MAFG: variants seen among roughly 807,000 people sequenced by gnomAD.
MAFG encodes transcription factor MafG.
A neutral mutation model predicts 12.2 loss-of-function variants in MAFG; 3 were observed. The ratio of observed to expected loss-of-function variants is 0.25; its 90% CI spans 0.11 to 0.64. The LOEUF is 0.64. MAFG is among the 30% of genes least tolerant of loss of function. MAFG has a pLI of 0.85. For missense variants in MAFG, 153 were observed against 235.5 expected (o/e 0.65, Z 2.29); for synonymous variants, 126 against 109.1 (o/e 1.15, Z -0.96).
rs2040905290 is a variant in MAFG, at chr17:81,922,800, G to A, written c.294C>T (p.Ala98=). 6.2e-7 allele frequency: 1 copy of A among 1,604,956 alleles called. No individual in the cohort carries two copies. Among genetic ancestry groups the A allele is most frequent in the Non-Finnish European group, 8.5e-7 (1 of 1,176,022 alleles). ...QEVEKLASEN[A]SMKLELDALR... ...GCGCGTCGAGCTCCAGCTTCATGCT[G>A]GCGTTCTCTGAGGCCAGCTTCTCCA... Residue 98 remains alanine (A), a synonymous_variant, in exon 3 of 3, where the codon GCC becomes GCT. Transcript: ENST00000357736.
At position 81,919,794 on chromosome 17, in the gene MAFG, G is replaced by A. The variant is rs773807938; in HGVS notation, c.*2811C>T. On this transcript the variant is annotated 3_prime_UTR_variant, in exon 3 of 3. Transcript: ENST00000357736. ...CCAGGGGAAGGGGAAGAGGGGTGGA[G>A]TGGCTCCGCAGGGCTGACCTGACAG... 1 of 152,508 alleles carries A rather than the reference G, an allele frequency of 6.6e-6. No individual in the cohort carries two copies. Among genetic ancestry groups the A allele is most frequent in the Middle Eastern group, 3.3e-3 (1 of 300 alleles). 9.4% of individuals were successfully genotyped at this position (152,508 alleles called of 1,614,324 possible).
Position 81,923,050 on chromosome 17 carries a change from C to T in MAFG, c.44G>A (p.Arg15Gln). 1.2e-6 allele frequency: 2 copies of T among 1,601,896 alleles called. No homozygotes were observed. Among genetic ancestry groups the T allele is most frequent in the Non-Finnish European group, 1.7e-6 (2 of 1,174,080 alleles). Reference protein sequence around the residue: ...NKGNKALKVKREPGENGTSLT... With the variant: ...NKGNKALKVKQEPGENGTSLT... ...GCTGGTGCCATTCTCACCCGGCTCC[C>T]GCTTCACCTGGGGCACAGTGCAGGT... The change falls in exon 3 of 3, where the codon CGG (arginine) becomes CAG (glutamine). Residue 15 changes from arginine (R) to glutamine (Q), a missense_variant. Around this residue, in one of 3 missense-constraint regions of MAFG, gnomAD observed 43 missense variants for 65.6 expected, o/e 0.66. Transcript: ENST00000357736.
In MAFG at chr17:81,921,504, G is replaced by C. The variant is rs1477783852; in HGVS notation, c.*1101C>G. 6.6e-6 allele frequency: 1 copy of C among 151,962 alleles called. No homozygotes were observed. 9.4% of individuals were successfully genotyped at this position (151,962 alleles called of 1,614,324 possible). A position where few individuals can be genotyped will look rare whatever the true frequency, so the allele number is the denominator to read the frequency against. Reference sequence around the variant, plus strand: ...AGGGCAGAGGAGTAAGTCACTTTCGGTACAATTGCAAAAGATATCAAAGAG... The same window carrying C: ...AGGGCAGAGGAGTAAGTCACTTTCGCTACAATTGCAAAAGATATCAAAGAG... On this transcript the variant is annotated 3_prime_UTR_variant, in exon 3 of 3. Transcript: ENST00000357736.
rs993018672 is a variant in MAFG, at chr17:81,924,007, C to A, written c.-29-793G>T. On this transcript the variant is annotated intron_variant, in intron 1 of 2. Coordinates refer to ENST00000357736, the MANE Select transcript of MAFG (RefSeq NM_002359.4). The surrounding 1 kb of genome is among the most constrained non-coding windows in gnomAD (Gnocchi z 4.7). ...GCCATCAGCTGGGAGGAGCCTGGCC[C>A]GAGGCCCCTCTAGACCTCCCAGTCG... is the stretch of plus-strand genomic sequence containing the variant. 1 of 152,364 alleles carries A rather than the reference C, an allele frequency of 6.6e-6. No homozygotes were observed. Among genetic ancestry groups the A allele is most frequent in the African/African-American group, 2.4e-5 (1 of 41,460 alleles). The allele number at this position is 152,364 out of a possible 1,614,324, so 9.4% of individuals were successfully genotyped here. A position where few individuals can be genotyped will look rare whatever the true frequency, so the allele number is the denominator to read the frequency against.
Position 81,922,599 on chromosome 17 carries a change from G to A in MAFG, c.*6C>T, listed in dbSNP as rs150965924. 1.6e-3 allele frequency: 2,318 copies of A among 1,458,998 alleles called. 5 individuals carry two copies. Among genetic ancestry groups the A allele is most frequent in the Non-Finnish European group, 2.0e-3 (2,195 of 1,107,964 alleles). The allele number at this position is 1,458,998 out of a possible 1,614,324, so 90.4% of individuals were successfully genotyped here. A position where few individuals can be genotyped will look rare whatever the true frequency, so the allele number is the denominator to read the frequency against. ...CGCAAAGACCCGCCTGGGCAGACGC[G>A]CGTCCCTACGATCGGGCATCCGTCT... On this transcript the variant is annotated 3_prime_UTR_variant, in exon 3 of 3. Coordinates refer to ENST00000357736, the MANE Select transcript of MAFG (RefSeq NM_002359.4).
In MAFG at chr17:81,926,784, AC is replaced by A. The variant is rs368593853; in HGVS notation, c.-30+743del. Among the ~76,000 whole-genome samples the A allele has an allele frequency of 3.8e-4, 57 of 151,784 alleles. No homozygotes were observed. Among genetic ancestry groups the A allele is most frequent in the African/African-American group, 1.3e-3 (55 of 41,360 alleles). ...AGCCACCCCCACTTCCTCTTCAAGC[AC>A]CCCTGCCTTCAACTGGATCGCTCGG... On this transcript the variant is annotated intron_variant, in intron 1 of 2. Coordinates refer to ENST00000357736, the MANE Select transcript of MAFG (RefSeq NM_002359.4). This position sits in a 1 kb window ranked among gnomAD's most constrained non-coding sequence, Gnocchi z 4.6.
chr17:81,925,807 C>CAAAA (rs753192299), intron 1 of MAFG, among the ~76,000 whole-genome samples: 31 of 47,268 alleles, frequency 6.6e-4, no homozygotes, highest in Admixed American at 2.4e-3. Flanking sequence ...GACTCCGTCT[C>CAAAA]AAAAAAAAAA....
chr17:81,925,815 A>G (rs2040934965), intron 1 of MAFG, among the ~76,000 whole-genome samples: 2 of 151,810 alleles, frequency 1.3e-5, no homozygotes, highest in Non-Finnish European at 2.9e-5. Context: ...CTCAAAAAAA[A>G]AAAAAAAAAA....
intron 1 of MAFG, among the ~76,000 whole-genome samples, chr17:81,925,021 C>T (rs1262428904): frequency 2.0e-5 from 3 of 152,200 alleles, no homozygotes; most frequent in Non-Finnish European, 2.9e-5. Context: ...AAAGGTGCGC[C>T]GGGGGGTGGG....
Position 81,923,233 on chromosome 17 carries a change from G to A in MAFG, c.-29-19C>T, listed in dbSNP as rs755252620. ...GCGCTCTCTGCAAGACACGGAGCAG[G>A]TCAGTACCCTGGAGACCACCCTCGC... On this transcript the variant is annotated intron_variant, in intron 1 of 2. Coordinates refer to ENST00000357736, the MANE Select transcript of MAFG (RefSeq NM_002359.4). The A allele has an allele frequency of 6.4e-6, 9 of 1,408,040 alleles. No homozygotes were observed. Among genetic ancestry groups the A allele is most frequent in the Non-Finnish European group, 8.6e-6 (9 of 1,049,450 alleles). The allele number at this position is 1,408,040 out of a possible 1,614,324, so 87.2% of individuals were successfully genotyped here.
chr17:81,925,722 G>A (rs2040933808), intron 1 of MAFG, among the ~76,000 whole-genome samples: 1 of 151,422 alleles, frequency 6.6e-6, no homozygotes, highest in South Asian at 2.1e-4. Context: ...GCAGGAGAAC[G>A]GCGTGAACCT....
intron 1 of MAFG, among the ~76,000 whole-genome samples, chr17:81,925,996 CTGTGTGTGTGTG>C (rs532478689): frequency 2.2e-5 from 2 of 89,028 alleles, no homozygotes; most frequent in African/African-American, 4.7e-5. Flanking sequence ...GAGAATGGAC[CTGTGTGTGTGTG>C]TGTGTGTGTG....
chr17:81,922,047 ACGCCCCCAGCACCACTGCG>A lies in MAFG; in HGVS notation c.*539_*557del, dbSNP rs2143812788. 1 of 152,144 alleles carries A rather than the reference ACGCCCCCAGCACCACTGCG, an allele frequency of 6.6e-6. No individual in the cohort carries two copies. The highest frequency in any genetic ancestry group is 2.4e-5 in the African/African-American group (1 of 41,424). The allele number at this position is 152,144 out of a possible 1,614,324, so 9.4% of individuals were successfully genotyped here. ...GTGCACAGCCCCTGGGCCCAGCTGC[ACGCCCCCAGCACCACTGCG>A]CCCAGGCTGGTGGTCCACCCATCAG... On this transcript the variant is annotated 3_prime_UTR_variant, in exon 3 of 3. Transcript: ENST00000357736.
rs2040888637 is a variant in MAFG at position 81,921,480 on chromosome 17, G to T, written c.*1125C>A. ...CACCGGCAAGAGACGGAAGCAGGAA[G>T]GGCAGAGGAGTAAGTCACTTTCGGT... is the stretch of plus-strand genomic sequence containing the variant. On this transcript the variant is annotated 3_prime_UTR_variant, in exon 3 of 3. Transcript: ENST00000357736. 6.6e-6 allele frequency: 1 copy of T among 152,254 alleles called. No homozygotes were observed. Among genetic ancestry groups the T allele is most frequent in the East Asian group, 1.9e-4 (1 of 5,200 alleles). 9.4% of individuals were successfully genotyped at this position (152,254 alleles called of 1,614,324 possible).
chr17:81,925,533 G>T (rs964754271), intron 1 of MAFG, among the ~76,000 whole-genome samples: 2 of 152,200 alleles, frequency 1.3e-5, no homozygotes, highest in South Asian at 4.1e-4. Context: ...TAAATGGGCC[G>T]CGCGGTGGCT....
At position 81,923,262 on chromosome 17, in the gene MAFG, ACCCCCCCCC is replaced by A. The variant is rs1002296043; in HGVS notation, c.-29-57_-29-49del. ...GTACCCTGGAGACCACCCTCGCCGC[ACCCCCCCCC>A]CCCCGCCCCCGGCCCAGTTCACAAG... On this transcript the variant is annotated intron_variant, in intron 1 of 2. Coordinates refer to ENST00000357736, the MANE Select transcript of MAFG (RefSeq NM_002359.4). The A allele has an allele frequency of 1.7e-4, 60 of 362,742 alleles. 3 individuals carry two copies. In the Admixed American group the frequency reaches 5.5e-3, roughly 33 times the overall value. The allele number at this position is 362,742 out of a possible 1,614,324, so 22.5% of individuals were successfully genotyped here.
chr17:81,924,755 T>C lies in MAFG; in HGVS notation c.-29-1541A>G, dbSNP rs2040925929. Among the ~76,000 whole-genome samples the C allele has an allele frequency of 6.6e-6, 1 of 152,132 alleles. No homozygotes were observed. Among genetic ancestry groups the C allele is most frequent in the East Asian group, 1.9e-4 (1 of 5,196 alleles). ...GCCCACAGGAGCCCTTTCCTACACG[T>C]CCGGCACAACACTGCCCCAGGAGAC... On this transcript the variant is annotated intron_variant, in intron 1 of 2. Coordinates refer to ENST00000357736, the MANE Select transcript of MAFG (RefSeq NM_002359.4). The surrounding 1 kb of genome is among the most constrained non-coding windows in gnomAD (Gnocchi z 4.7).
At chr17:81,930,833 A>G (rs1312866017), upstream of MAFG, 3 of 152,226 alleles carry the variant, frequency 2.0e-5, no homozygotes, top group Non-Finnish European at 4.4e-5. The surrounding 1 kb of genome is among the most constrained non-coding windows in gnomAD (Gnocchi z 4.1). Context: ...AGGAGCAGGG[A>G]AAGCACCATC....
Position 81,922,416 on chromosome 17 carries a change from C to T in MAFG, c.*189G>A, listed in dbSNP as rs143439686. The T allele has an allele frequency of 4.6e-3, 2,189 of 474,442 alleles. 65 individuals carry two copies. In the Admixed American group the frequency reaches 0.054, roughly 12 times the overall value. The allele number at this position is 474,442 out of a possible 1,614,324, so 29.4% of individuals were successfully genotyped here. A position where few individuals can be genotyped will look rare whatever the true frequency, so the allele number is the denominator to read the frequency against. ...GACCAATCCCAACATACAAAACACA[C>T]GACGACAATGACGAGATCAAAGGGG... On this transcript the variant is annotated 3_prime_UTR_variant, in exon 3 of 3. Transcript: ENST00000357736.
Sources: allele counts gnomAD v4.1 joint callset (sites outside exome capture counted in the v4.1 genomes callset), GRCh38; gene constraint gnomAD v4.1.1; regional missense constraint gnomAD v4.1.1; non-coding constraint Gnocchi (gnomAD v3.1); transcripts MANE v1.5; gene names NCBI Gene and HGNC (gene_info 2026-07-23, HGNC 2026-07-21).